The following ANKRD13C variants were observed in gnomAD, a reference collection of about 807,000 sequenced individuals.
The protein encoded by ANKRD13C is ankyrin repeat domain 13C, also known as ankyrin repeat domain-containing protein 13C.
Under a neutral mutation model 65.5 loss-of-function variants are expected in ANKRD13C, and 16 were observed. The ratio of observed to expected loss-of-function variants is 0.24; its 90% CI spans 0.17 to 0.37. ANKRD13C has a LOEUF of 0.37. Among genes scored for constraint, ANKRD13C ranks in the 10% least tolerant of loss-of-function variants. ANKRD13C has a pLI of 1.00. For missense variants in ANKRD13C, 503 were observed against 655.9 expected, an observed-to-expected ratio of 0.77 and a Z score of 2.55; for synonymous variants, 235 against 238.7, an observed-to-expected ratio of 0.98 and a Z score of 0.14.
intron 1 of ANKRD13C, among the ~76,000 whole-genome samples, chr1:70,350,229 T>G (rs1456770570): frequency 6.6e-6 from 1 of 152,270 alleles, no homozygotes; most frequent in Non-Finnish European, 1.5e-5. Context: ...CTGTTGTCTT[T>G]GCTCACAAGG....
chr1:70,318,607 C>T (rs975885931), intron 3 of ANKRD13C, among the ~76,000 whole-genome samples: 1 of 151,802 alleles, frequency 6.6e-6, no homozygotes, highest in African/African-American at 2.4e-5. Context: ...TAATAGAGAC[C>T]TTAGAGTTAC....
intron 7 of ANKRD13C, among the ~76,000 whole-genome samples, chr1:70,298,959 TG>T (rs1227241045): frequency 6.6e-6 from 1 of 152,120 alleles, no homozygotes; most frequent in East Asian, 1.9e-4. Context: ...GTACTGATGC[TG>T]TATTAGATAA....
At chr1:70,294,635 CT>C (rs1221826514) in intron 8 of ANKRD13C, among the ~76,000 whole-genome samples, 137 of 144,706 alleles carry the variant, frequency 9.5e-4, no homozygotes, top group Non-Finnish European at 8.6e-4. Flanking sequence ...TTTTCTCTCT[CT>C]TTTTTTTTTT....
At chr1:70,310,998 T>C (rs1054156967) in intron 5 of ANKRD13C, among the ~76,000 whole-genome samples, 1 of 152,172 alleles carries the variant, frequency 6.6e-6, no homozygotes, top group Admixed American at 6.6e-5. Flanking sequence ...GCATAATCAT[T>C]AATAGAGACA....
At chr1:70,273,091 G>A (rs888606025) in intron 11 of ANKRD13C, among the ~76,000 whole-genome samples, 4 of 152,102 alleles carry the variant, frequency 2.6e-5, no homozygotes, top group Non-Finnish European at 5.9e-5. Context: ...TGGCAGATGT[G>A]TAGGTGTGGC....
intron 10 of ANKRD13C, 80 bp from the exon 11 acceptor site, chr1:70,274,898 A>G: frequency 1.2e-6 from 1 of 848,318 alleles, no homozygotes; most frequent in East Asian, 2.4e-5. Context: ...TCATCTTTCA[A>G]TGACATTCAT....
In ANKRD13C at chr1:70,354,394, C is replaced by G; in HGVS notation, c.15G>C (p.Lys5Asn). ...TGTGGTCCCTCCGCAGTGAGCGGAT[C>G]TTCTCCCCGGTCATCGCCGCCGCCA... MTGE[K>N]IRSLRRDHKP... is the part of the protein sequence containing the mutation. Residue 5 changes from lysine to asparagine, a missense_variant, in exon 1 of 13, where the codon AAG (lysine) becomes AAC (asparagine). Physicochemically the swap from Lys to Asn is moderately conservative, Grantham distance 94. This residue lies in a region of ANKRD13C where 203 missense variants were observed against 177.6 expected (regional missense o/e 1.14). Transcript: ENST00000370944. 1 of 1,612,524 alleles carries G rather than the reference C, an allele frequency of 6.2e-7. No homozygotes were observed. The highest frequency in any genetic ancestry group is 8.5e-7 in the Non-Finnish European group (1 of 1,178,924).
chr1:70,325,418 C>T (rs897617411), intron 2 of ANKRD13C, among the ~76,000 whole-genome samples: 2 of 152,182 alleles, frequency 1.3e-5, no homozygotes, highest in African/African-American at 4.8e-5. Flanking sequence ...TTCCAAAACA[C>T]ATTTATTTTT....
intron 1 of ANKRD13C, among the ~76,000 whole-genome samples, chr1:70,342,611 T>TCAATAGTGGAAGAGGTAG (rs568134335): frequency 2.0e-5 from 3 of 152,078 alleles, no homozygotes; most frequent in East Asian, 1.9e-4. Flanking sequence ...CCTTTTTGTA[T>TCAATAGTGGAAGAGGTAG]CAATAGTGGA....
chr1:70,353,808 A>T (rs1440573972), intron 1 of ANKRD13C, among the ~76,000 whole-genome samples, 171 bp downstream of exon 1: 1 of 151,938 alleles, frequency 6.6e-6, no homozygotes, highest in Non-Finnish European at 1.5e-5. Context: ...ACAAGAACCA[A>T]CCCCTTGACC....
intron 9 of ANKRD13C, among the ~76,000 whole-genome samples, chr1:70,284,544 A>AT (rs1174832158): frequency 9.2e-5 from 14 of 152,176 alleles, no homozygotes; most frequent in Non-Finnish European, 1.8e-4. Context: ...AGACGTGTTA[A>AT]TACCTGAATA....
chr1:70,334,716 G>A (rs1412274643), intron 2 of ANKRD13C, among the ~76,000 whole-genome samples: 1 of 151,906 alleles, frequency 6.6e-6, no homozygotes, highest in Non-Finnish European at 1.5e-5. Context: ...CCTGAGGTCG[G>A]GGGTTCGAGA....
intron 2 of ANKRD13C, among the ~76,000 whole-genome samples, chr1:70,330,757 T>G (rs570844539): frequency 6.6e-6 from 1 of 151,852 alleles, no homozygotes; most frequent in Admixed American, 6.6e-5. Flanking sequence ...AAATTGCAGA[T>G]CCAAAAAAGA....
At chr1:70,329,049 C>T (rs1047314281) in intron 2 of ANKRD13C, among the ~76,000 whole-genome samples, 4 of 149,322 alleles carry the variant, frequency 2.7e-5, no homozygotes, top group Admixed American at 1.4e-4. Context: ...AGGGATTCTA[C>T]TTCCATGAAA....
At chr1:70,272,727 A>C (rs528923719) in intron 11 of ANKRD13C, among the ~76,000 whole-genome samples, 5 of 151,952 alleles carry the variant, frequency 3.3e-5, no homozygotes, top group South Asian at 4.1e-4. Flanking sequence ...GGTGGCTCAC[A>C]TCTGTAATCC....
chr1:70,279,506 T>G (rs530470984), intron 9 of ANKRD13C, among the ~76,000 whole-genome samples: 1 of 146,506 alleles, frequency 6.8e-6, no homozygotes, highest in African/African-American at 2.5e-5. Context: ...GCTACTTTTT[T>G]TTTTTTTTTT....
intron 7 of ANKRD13C, among the ~76,000 whole-genome samples, chr1:70,300,431 T>C (rs1002093428): frequency 6.6e-6 from 1 of 151,898 alleles, no homozygotes; most frequent in Non-Finnish European, 1.5e-5. Flanking sequence ...CTACTAAAAA[T>C]ACAAAAATTA....
intron 1 of ANKRD13C, among the ~76,000 whole-genome samples, chr1:70,341,711 G>A (rs949751523): frequency 2.0e-5 from 3 of 151,994 alleles, no homozygotes; most frequent in Admixed American, 1.3e-4. Flanking sequence ...CCTTTTGCTT[G>A]TCTTTCTTAC....
intron 3 of ANKRD13C, among the ~76,000 whole-genome samples, chr1:70,316,037 T>C (rs1681058105): frequency 6.6e-6 from 1 of 152,150 alleles, no homozygotes; most frequent in East Asian, 1.9e-4. Context: ...TCAAGGAAGA[T>C]CTCAAAAACA....
Sources: allele counts gnomAD v4.1 joint callset (sites outside exome capture counted in the v4.1 genomes callset), GRCh38; gene constraint gnomAD v4.1.1; regional missense constraint gnomAD v4.1.1; transcripts MANE v1.5; gene names NCBI Gene and HGNC (gene_info 2026-07-23, HGNC 2026-07-21).